PFKM: variants seen among roughly 807,000 people sequenced by gnomAD.
The protein encoded by PFKM is ATP-dependent 6-phosphofructokinase, muscle type.
A neutral mutation model predicts 95.5 loss-of-function variants in PFKM; 58 were observed. The ratio of observed to expected loss-of-function variants is 0.61; its 90% CI spans 0.49 to 0.76. PFKM has a LOEUF of 0.76. Among genes scored for constraint, PFKM ranks in the 30% least tolerant of loss-of-function variants. The pLI is 0.00. For missense variants in PFKM, 678 were observed against 1,005.4 expected (o/e 0.67, Z 4.40); for synonymous variants, 336 against 357.2 (o/e 0.94, Z 0.67).
At chr12:48,132,154 T>A (rs1949566426) in intron 4 of PFKM, 1 of 450,446 alleles carries the variant, frequency 2.2e-6, no homozygotes, top group Non-Finnish European at 4.5e-6. Flanking sequence ...TATCCCAAAG[T>A]CATGGCTGCC....
At chr12:48,135,111 A>T in intron 9 of PFKM, 73 bp downstream of exon 9, 1 of 1,249,068 alleles carries the variant, frequency 8.0e-7, no homozygotes, top group South Asian at 1.2e-5. Flanking sequence ...GTCTCCTGAC[A>T]TTGCTTCTCC....
At chr12:48,110,713 A>G (rs1295537858) in intron 3 of PFKM, among the ~76,000 whole-genome samples, 1 of 152,204 alleles carries the variant, frequency 6.6e-6, no homozygotes, top group Non-Finnish European at 1.5e-5. Flanking sequence ...CTAGTCCTTA[A>G]GAAAAATGGA....
rs752179477 is a variant in PFKM, at chr12:48,135,374, C to T, written c.927C>T (p.Asp309=). 5 of 1,612,676 alleles carry T rather than the reference C, an allele frequency of 3.1e-6. No homozygotes were observed. The highest frequency in any genetic ancestry group is 2.2e-5 in the East Asian group (1 of 44,892). The change falls in exon 10 of 23, where the codon GAC becomes GAT. Residue 309 remains aspartate (D), a synonymous_variant. Transcript: ENST00000359794. The part of the protein sequence containing the change: ...VQRGGTPSAF[D]RILGSRMGVE... ...GGGGTGGGACGCCATCAGCCTTTGA[C>T]AGAATTCTGGTAAGTCACTGGGCTG...
chr12:48,115,519 A>G (rs1420419871), upstream of PFKM, among the ~76,000 whole-genome samples: 1 of 152,226 alleles, frequency 6.6e-6, no homozygotes, highest in African/African-American at 2.4e-5. Context: ...AAGTACATTG[A>G]TCAGTTAAGG....
chr12:48,126,657 C>G (rs1342133229), intron 2 of PFKM, among the ~76,000 whole-genome samples: 1 of 152,102 alleles, frequency 6.6e-6, no homozygotes, highest in Admixed American at 6.5e-5. Flanking sequence ...TTTACAGGAC[C>G]ATTTACTCAG....
In PFKM at chr12:48,142,984, CT is replaced by C. The variant is rs1950706724; in HGVS notation, c.1818+39del. ...CCAGAGCCTGCTAGATAGCTCTCCC[CT>C]GTCTCCAGACTGTTTCCACAGTGAT... On this transcript the variant is annotated intron_variant, in intron 18 of 22. Coordinates refer to ENST00000359794, the MANE Select transcript of PFKM (RefSeq NM_000289.6). 3 of 1,590,132 alleles carry C rather than the reference CT, an allele frequency of 1.9e-6. No homozygotes were observed. In the South Asian group the frequency reaches 3.3e-5, roughly 18 times the overall value.
intron 3 of PFKM, among the ~76,000 whole-genome samples, chr12:48,112,442 G>A (rs781581833): frequency 1.3e-5 from 2 of 152,154 alleles, no homozygotes; most frequent in Non-Finnish European, 2.9e-5. Context: ...TAATGGATAA[G>A]GAAGAAATTT....
intron 2 of PFKM, among the ~76,000 whole-genome samples, chr12:48,126,805 A>C (rs1361716211): frequency 2.6e-5 from 4 of 152,204 alleles, no homozygotes; most frequent in African/African-American, 9.6e-5. Flanking sequence ...AGACTGGAAA[A>C]CAAACTTTAG....
At chr12:48,107,593 T>G in intron 2 of PFKM, 1 of 655,902 alleles carries the variant, frequency 1.5e-6, no homozygotes, top group South Asian at 1.8e-5. Context: ...ATTCTCACTT[T>G]GATAAAATAT....
At chr12:48,108,579 G>A (rs962362218) in intron 3 of PFKM, among the ~76,000 whole-genome samples, 1 of 152,148 alleles carries the variant, frequency 6.6e-6, no homozygotes, top group African/African-American at 2.4e-5. Flanking sequence ...TTGACTAAAT[G>A]AGTTATTATT....
upstream of PFKM, among the ~76,000 whole-genome samples, chr12:48,115,059 A>G (rs1947549507): frequency 6.6e-6 from 1 of 152,158 alleles, no homozygotes; most frequent in Non-Finnish European, 1.5e-5. Flanking sequence ...CTGGGCTGCA[A>G]TGTGGGTGAG....
chr12:48,138,636 G>T (rs927499921), intron 11 of PFKM, among the ~76,000 whole-genome samples: 1 of 152,190 alleles, frequency 6.6e-6, no homozygotes, highest in Non-Finnish European at 1.5e-5. Context: ...TTCCTAACTG[G>T]GTTACCTGTA....
intron 17 of PFKM, 26 bp from the exon 18 acceptor site, chr12:48,142,756 C>G: frequency 6.2e-7 from 1 of 1,609,386 alleles, no homozygotes; most frequent in Non-Finnish European, 8.5e-7. Flanking sequence ...TCATGTCTTT[C>G]TAACTATAAC....
Position 48,137,757 on chromosome 12 carries a change from T to C in PFKM, c.973T>C (p.Leu325=). 4 of 1,614,162 alleles carry C rather than the reference T, an allele frequency of 2.5e-6. No individual in the cohort carries two copies. Among genetic ancestry groups the C allele is most frequent in the South Asian group, 2.2e-5 (2 of 91,078 alleles). Residue 325 remains leucine, a synonymous_variant, in exon 11 of 23, where the codon TTG becomes CTG. Transcript: ENST00000359794. ...GGGTGTGGAAGCAGTGATGGCACTT[T>C]TGGAGGGGACCCCAGATACCCCAGC... The part of the protein sequence containing the change: ...RMGVEAVMAL[L]EGTPDTPACV...
upstream of PFKM, among the ~76,000 whole-genome samples, chr12:48,115,824 T>C (rs1456576942): frequency 6.6e-6 from 1 of 152,248 alleles, no homozygotes; most frequent in Non-Finnish European, 1.5e-5. Context: ...ACATTTTATT[T>C]ATCCATTCTT....
upstream of PFKM, among the ~76,000 whole-genome samples, chr12:48,114,538 G>A (rs1172653848): frequency 2.0e-5 from 3 of 152,206 alleles, no homozygotes; most frequent in South Asian, 2.1e-4. Flanking sequence ...TCAGCCTGGC[G>A]GGGAGCGACC....
chr12:48,133,254 C>A, intron 5 of PFKM, 61 bp from the exon 6 acceptor site: 1 of 1,448,840 alleles, frequency 6.9e-7, no homozygotes, highest in Non-Finnish European at 9.7e-7. Context: ...CTCTAGATAT[C>A]TCCTCTTTAG....
rs181325352 is a variant in PFKM, at chr12:48,129,745, T to A, written c.86-618T>A. Among the ~76,000 whole-genome samples, 216 of 152,216 alleles carry A rather than the reference T, an allele frequency of 1.4e-3. 5 individuals carry two copies. The highest frequency in any genetic ancestry group is 3.1e-4 in the Non-Finnish European group (21 of 68,006). ...TGCCAGGTTACTGAACCATATAGAG[T>A]CATGTCTTTGTCCTGAAATGCCAAC... On this transcript the variant is annotated intron_variant, in intron 2 of 22. Transcript: ENST00000359794.
intron 17 of PFKM, 77 bp downstream of exon 17, chr12:48,142,143 A>G (rs1592802233): frequency 7.4e-7 from 1 of 1,349,616 alleles, no homozygotes; most frequent in East Asian, 2.3e-5. Context: ...CCAAACAGTG[A>G]GCTACTCTTT....
Sources: allele counts gnomAD v4.1 joint callset (sites outside exome capture counted in the v4.1 genomes callset), GRCh38; gene constraint gnomAD v4.1.1; transcripts MANE v1.5; gene names NCBI Gene and HGNC (gene_info 2026-07-23, HGNC 2026-07-21).